The following TGFBI variants were observed in gnomAD, a reference collection of about 807,000 sequenced individuals.
TGFBI encodes transforming growth factor-beta-induced protein ig-h3.
TGFBI carries 50 observed loss-of-function variants against 73.7 expected under a neutral mutation model. The ratio of observed to expected loss-of-function variants is 0.68; its 90% CI spans 0.54 to 0.86. The LOEUF (loss-of-function observed/expected upper bound fraction) is 0.86. Among genes scored for constraint, TGFBI ranks in the 40% least tolerant of loss-of-function variants. TGFBI has a pLI of 0.00. For synonymous variants in TGFBI, 362 were observed against 360.5 expected, an observed-to-expected ratio of 1.00 and a Z score of -0.05; for missense variants, 839 against 877.0, an observed-to-expected ratio of 0.96 and a Z score of 0.55.
rs1052170143 is a variant in TGFBI, at chr5:136,029,122, G to T, written c.67G>T (p.Ala23Ser). 68 of 1,525,258 alleles carry T rather than the reference G, an allele frequency of 4.5e-5. No homozygotes were observed. Among genetic ancestry groups the T allele is most frequent in the Non-Finnish European group, 5.8e-5 (66 of 1,143,250 alleles). 94.5% of individuals were successfully genotyped at this position (1,525,258 alleles called of 1,614,324 possible). Reference sequence around the variant, plus strand: ...GGCCCTGGGCCCCGCCGCGACCCTGGCGGGTCCCGCCAAGTCGCCCTACCA... The same window carrying T: ...GGCCCTGGGCCCCGCCGCGACCCTGTCGGGTCCCGCCAAGTCGCCCTACCA... ...ALALGPAATL[A>S]GPAKSPYQLV... The change falls in exon 1 of 17, where the codon GCG becomes TCG. Residue 23 changes from alanine to serine, a missense_variant. Transcript: ENST00000442011.
chr5:136,046,685 G>T, intron 4 of TGFBI, 166 bp from the exon 5 acceptor site: 1 of 1,208,420 alleles, frequency 8.3e-7, no homozygotes, highest in South Asian at 1.6e-5. Context: ...AATGCCCCCC[G>T]TTCCCTACTG....
intron 8 of TGFBI, 30 bp from the exon 9 acceptor site, chr5:136,053,913 C>A (rs1751581464): frequency 1.2e-6 from 2 of 1,611,072 alleles, no homozygotes; most frequent in African/African-American, 1.3e-5. Flanking sequence ...GCGCTTTTAA[C>A]TTTTGAACCC....
chr5:136,036,982 G>GT (rs1048261257), intron 2 of TGFBI, among the ~76,000 whole-genome samples: 15 of 152,174 alleles, frequency 9.9e-5, no homozygotes, highest in Non-Finnish European at 1.0e-4. Context: ...ATACTTTGTG[G>GT]TGAGAGGTCA....
rs373644623 is a variant in TGFBI at position 136,053,131 on chromosome 5, C to T, written c.1126+12C>T. The stretch of plus-strand genomic sequence containing the variant: ...CATCCCAGACTCAGGTAGGCCAGGC[C>T]TCCGGGGGCCTTGGCCCTGCCTGGC... On this transcript the variant is annotated intron_variant, in intron 8 of 16. Coordinates refer to ENST00000442011, the MANE Select transcript of TGFBI (RefSeq NM_000358.3). 15 of 1,612,148 alleles carry T rather than the reference C, an allele frequency of 9.3e-6. No homozygotes were observed. The African/African-American group carries it at 1.5e-4, about 16-fold the overall frequency.
intron 7 of TGFBI, among the ~76,000 whole-genome samples, chr5:136,050,071 G>A (rs918514066): frequency 1.3e-5 from 2 of 152,178 alleles, no homozygotes; most frequent in African/African-American, 2.4e-5. Flanking sequence ...AGTGACTCAC[G>A]CCTTTAATAT....
rs746415976 is a variant in TGFBI at position 136,063,267 on chromosome 5, G to T, written c.*41G>T. Reference sequence around the variant, plus strand: ...GAGGAATGCACCACGGCAGCTCTCCGCCAATTTCTCTCAGATTTCCACAGA... The same window carrying T: ...GAGGAATGCACCACGGCAGCTCTCCTCCAATTTCTCTCAGATTTCCACAGA... On this transcript the variant is annotated 3_prime_UTR_variant, in exon 17 of 17. Coordinates refer to ENST00000442011, the MANE Select transcript of TGFBI (RefSeq NM_000358.3). 1 of 1,573,854 alleles carries T rather than the reference G, an allele frequency of 6.4e-7. No individual in the cohort carries two copies. The highest frequency in any genetic ancestry group is 1.1e-5 in the South Asian group (1 of 89,228).
intron 7 of TGFBI, among the ~76,000 whole-genome samples, chr5:136,050,194 A>G (rs952546532): frequency 2.6e-5 from 4 of 152,078 alleles, no homozygotes; most frequent in African/African-American, 9.7e-5. Flanking sequence ...TTAGCTGGGC[A>G]TGGTGGTGGG....
intron 7 of TGFBI, among the ~76,000 whole-genome samples, chr5:136,051,263 C>A (rs1052490774): frequency 6.6e-6 from 1 of 152,156 alleles, no homozygotes; most frequent in Non-Finnish European, 1.5e-5. Flanking sequence ...AACCCCGTCT[C>A]TACTAAAAAT....
At position 136,046,920 on chromosome 5, in the gene TGFBI, G is replaced by T; in HGVS notation, c.529G>T (p.Gly177Cys). 6.2e-7 allele frequency: 1 copy of T among 1,613,786 alleles called. No homozygotes were observed. Among genetic ancestry groups the T allele is most frequent in the Non-Finnish European group, 8.5e-7 (1 of 1,179,866 alleles). ...CAATGCCCTCCGCTACCATATGGTG[G>T]GCAGGCGAGTCCTGACTGATGAGCT... ...LLNALRYHMV[G>C]RRVLTDELKH... The change falls in exon 5 of 17, where the codon GGC (glycine) becomes TGC (cysteine). Residue 177 changes from glycine to cysteine, a missense_variant. By Grantham distance (159) the Gly-to-Cys change is radical. Coordinates refer to ENST00000442011, the MANE Select transcript of TGFBI (RefSeq NM_000358.3).
At chr5:136,058,900 C>A in intron 12 of TGFBI, 190 bp from the exon 13 acceptor site, 1 of 652,740 alleles carries the variant, frequency 1.5e-6, no homozygotes, top group Non-Finnish European at 2.5e-6. Context: ...GCTTTGTGTC[C>A]TCTGACCATT....
At chr5:136,056,133 A>G (rs955391747) in intron 11 of TGFBI, among the ~76,000 whole-genome samples, 2 of 152,242 alleles carry the variant, frequency 1.3e-5, no homozygotes, top group African/African-American at 4.8e-5. Context: ...AGCCAAGAGC[A>G]CATAGTTTAC....
chr5:136,046,240 C>A, intron 3 of TGFBI, 95 bp from the exon 4 acceptor site: 1 of 1,473,616 alleles, frequency 6.8e-7, no homozygotes, highest in Non-Finnish European at 9.3e-7. Flanking sequence ...GTCCTCTCCA[C>A]CTGTAGATGT....
chr5:136,047,235 G>C (rs369877874), intron 5 of TGFBI, 39 bp from the exon 6 acceptor site: 10 of 1,610,470 alleles, frequency 6.2e-6, no homozygotes, highest in Non-Finnish European at 6.8e-6. Context: ...CTATGCCTCT[G>C]TTGTGTTGAC....
chr5:136,050,268 G>T (rs1349150653), intron 7 of TGFBI, among the ~76,000 whole-genome samples: 1 of 151,674 alleles, frequency 6.6e-6, no homozygotes, highest in Non-Finnish European at 1.5e-5. Flanking sequence ...GGAGGTGGAG[G>T]TTGCAGTGAG....
chr5:136,062,588 G>A (rs1470451978), intron 15 of TGFBI, 75 bp from the exon 16 acceptor site: 1 of 1,491,166 alleles, frequency 6.7e-7, no homozygotes, highest in Non-Finnish European at 9.2e-7. Flanking sequence ...GGGTGGCAAT[G>A]GGCAAAGCCA....
At chr5:136,029,588 A>G (rs925474430) in intron 1 of TGFBI, among the ~76,000 whole-genome samples, 1 of 151,888 alleles carries the variant, frequency 6.6e-6, no homozygotes, top group African/African-American at 2.4e-5. Context: ...ACCTATTCCA[A>G]CCCAGCCAGG....
At chr5:136,041,022 G>A (rs1434546638) in intron 2 of TGFBI, among the ~76,000 whole-genome samples, 4 of 152,224 alleles carry the variant, frequency 2.6e-5, no homozygotes, top group South Asian at 2.1e-4. Context: ...CTCAGCCTTC[G>A]ATTCACAGCT....
Position 136,046,859 on chromosome 5 carries a change from G to C in TGFBI, c.468G>C (p.Leu156=). The C allele has an allele frequency of 6.2e-7, 1 of 1,613,146 alleles. No homozygotes were observed. The change falls in exon 5 of 17, where the codon CTG becomes CTC. Residue 156 remains leucine (L), a synonymous_variant. Coordinates refer to ENST00000442011, the MANE Select transcript of TGFBI (RefSeq NM_000358.3). ...CCTGTCCTTCCTCCTAGGAAGTGCT[G>C]GACTCCCTGGTCAGCAATGTCAACA... is the stretch of plus-strand genomic sequence containing the variant. ...EAWASLPAEV[L]DSLVSNVNIE... is the part of the protein sequence containing the mutation.
At chr5:136,049,627 T>C (rs17169753) in intron 7 of TGFBI, 47 bp downstream of exon 7, 469,733 of 1,584,534 alleles carry the variant, frequency 0.3, 73,784 homozygotes, top group African/African-American at 0.58. Flanking sequence ...TGCAGCTAGA[T>C]TGAGCCCAAG....
Sources: allele counts gnomAD v4.1 joint callset (sites outside exome capture counted in the v4.1 genomes callset), GRCh38; gene constraint gnomAD v4.1.1; transcripts MANE v1.5; gene names NCBI Gene and HGNC (gene_info 2026-07-23, HGNC 2026-07-21).